Variants in RCN2 observed in about 807,000 individuals in gnomAD.
RCN2 encodes the protein reticulocalbin-2.
A neutral mutation model predicts 37.5 loss-of-function variants in RCN2; 23 were observed. The observed-to-expected ratio is 0.61, with a 90% CI of 0.44 to 0.87. The LOEUF (loss-of-function observed/expected upper bound fraction) is 0.87, where lower values mean the gene tolerates loss of function less well. Among genes scored for constraint, RCN2 ranks in the 40% least tolerant of loss-of-function variants. The probability of loss-of-function intolerance (pLI) is 0.00; values close to 1 mark genes in which losing one functional copy is unlikely to be tolerated. For missense variants in RCN2, 381 were observed against 390.4 expected (o/e 0.98, Z 0.20); for synonymous variants, 140 against 144.6 (o/e 0.97, Z 0.23).
intron 2 of RCN2, among the ~76,000 whole-genome samples, chr15:76,932,989 A>G (rs1158099882): frequency 6.6e-6 from 1 of 152,210 alleles, no homozygotes; most frequent in Non-Finnish European, 1.5e-5. Context: ...AATGAAGCAC[A>G]GGGATAAGTG....
At chr15:76,932,329 T>C (rs1410229871) in intron 1 of RCN2, 32 bp from the exon 2 acceptor site, 1 of 1,532,848 alleles carries the variant, frequency 6.5e-7, no homozygotes, top group African/African-American at 1.4e-5. Context: ...ATAGTAATGC[T>C]TGGCCCTCCT....
At chr15:76,939,981 T>C (rs2075270322) in intron 3 of RCN2, among the ~76,000 whole-genome samples, 1 of 152,214 alleles carries the variant, frequency 6.6e-6, no homozygotes, top group Non-Finnish European at 1.5e-5. Flanking sequence ...TTCTGTGTTC[T>C]CCACCAGCTA....
intron 3 of RCN2, among the ~76,000 whole-genome samples, chr15:76,940,255 A>G (rs2152650470): frequency 6.6e-6 from 1 of 152,160 alleles, no homozygotes; most frequent in East Asian, 1.9e-4. Context: ...GCTTGAGCCC[A>G]GGAATTTGAG....
At chr15:76,938,420 CTG>C (rs1041171387) in intron 3 of RCN2, among the ~76,000 whole-genome samples, 7 of 152,150 alleles carry the variant, frequency 4.6e-5, no homozygotes, top group Non-Finnish European at 1.0e-4. Flanking sequence ...GTTTTGGTAT[CTG>C]TGGGAGGTTC....
chr15:76,943,314 G>A (rs1264593464), intron 3 of RCN2: 4 of 152,850 alleles, frequency 2.6e-5, no homozygotes, highest in African/African-American at 9.7e-5. Context: ...CTACAGGCGT[G>A]CGCCACTATG....
intron 4 of RCN2, among the ~76,000 whole-genome samples, chr15:76,945,946 A>T (rs1032071440): frequency 6.6e-6 from 1 of 152,232 alleles, no homozygotes; most frequent in African/African-American, 2.4e-5. Flanking sequence ...CCCAAGAATG[A>T]CAGGCAAAGG....
rs1478103919 is a variant in RCN2, at chr15:76,950,850, G to T, written c.*1628G>T. On this transcript the variant is annotated 3_prime_UTR_variant, in exon 7 of 7. Transcript: ENST00000394885. ...GAAGACATGAAACTCTTCTCTGATA[G>T]AATCGACTGCACCTATATACCTCTC... 6.6e-6 allele frequency: 1 copy of T among 152,226 alleles called. No homozygotes were observed. The highest frequency in any genetic ancestry group is 2.4e-5 in the African/African-American group (1 of 41,460). The allele number at this position is 152,226 out of a possible 1,614,324, so 9.4% of individuals were successfully genotyped here.
rs751070780 is a variant in RCN2, at chr15:76,943,849, C to T, written c.539C>T (p.Pro180Leu). Residue 180 changes from proline (P) to leucine (L), a missense_variant, in exon 4 of 7, where the codon CCT becomes CTT. Physicochemically the swap from Pro to Leu is moderately conservative, Grantham distance 98 (BLOSUM62 -3). Transcript: ENST00000394885. ...GAAGAATTTATTGCTTTTGAGCATC[C>T]TGAAGAAGTTGATTATATGACGGTA... Reference protein sequence around the residue: ...SLEEFIAFEHPEEVDYMTEFV... With the variant: ...SLEEFIAFEHLEEVDYMTEFV... 1.3e-6 allele frequency: 2 copies of T among 1,598,500 alleles called. No homozygotes were observed. Among genetic ancestry groups the T allele is most frequent in the Non-Finnish European group, 1.7e-6 (2 of 1,167,182 alleles).
chr15:76,940,546 CTTTTTTTTT>C (rs11463370), intron 3 of RCN2, among the ~76,000 whole-genome samples: 1 of 119,664 alleles, frequency 8.4e-6, no homozygotes, highest in African/African-American at 3.1e-5. Flanking sequence ...TGAACTTCAC[CTTTTTTTTT>C]TTTTTTTTTT....
At position 76,950,185 on chromosome 15, in the gene RCN2, C is replaced by G. The variant is rs927770078; in HGVS notation, c.*963C>G. ...TCTTGAGTAACGCAGGTTGGAATTA[C>G]CAATAGAGCTGGTCAGTTATCAACA... On this transcript the variant is annotated 3_prime_UTR_variant, in exon 7 of 7. Transcript: ENST00000394885. 6.6e-6 allele frequency: 1 copy of G among 151,906 alleles called. No individual in the cohort carries two copies. Among genetic ancestry groups the G allele is most frequent in the Non-Finnish European group, 1.5e-5 (1 of 68,014 alleles). The allele number at this position is 151,906 out of a possible 1,614,324, so 9.4% of individuals were successfully genotyped here.
intron 3 of RCN2, among the ~76,000 whole-genome samples, chr15:76,936,097 T>A (rs1345023554): frequency 6.6e-6 from 1 of 152,090 alleles, no homozygotes; most frequent in African/African-American, 2.4e-5. Context: ...TAGTTTTATA[T>A]ACTCACTTAA....
intron 3 of RCN2, among the ~76,000 whole-genome samples, chr15:76,940,944 T>C (rs1304882798): frequency 6.6e-6 from 1 of 152,186 alleles, no homozygotes; most frequent in East Asian, 1.9e-4. Context: ...GAAGAAGCAT[T>C]TCTTTATAAT....
Position 76,952,996 on chromosome 15 carries a change from C to G in RCN2, c.*3774C>G, listed in dbSNP as rs558772338. ...TCATCCAGGCTGGAGTGCAGTGGTG[C>G]GATCTCGGCTCACTGCAACCTCCAC... On this transcript the variant is annotated 3_prime_UTR_variant, in exon 7 of 7. Coordinates refer to ENST00000394885, the MANE Select transcript of RCN2 (RefSeq NM_002902.3). The G allele has an allele frequency of 6.7e-6, 1 of 148,684 alleles. No homozygotes were observed. The highest frequency in any genetic ancestry group is 1.5e-5 in the Non-Finnish European group (1 of 67,338). 9.2% of individuals were successfully genotyped at this position (148,684 alleles called of 1,614,324 possible). A position where few individuals can be genotyped will look rare whatever the true frequency, so the allele number is the denominator to read the frequency against.
chr15:76,949,298 G>T lies in RCN2; in HGVS notation c.*76G>T, dbSNP rs2075309527. The T allele has an allele frequency of 4.9e-6, 5 of 1,026,838 alleles. No individual in the cohort carries two copies. The highest frequency in any genetic ancestry group is 1.6e-5 in the African/African-American group (1 of 61,340). 63.6% of individuals were successfully genotyped at this position (1,026,838 alleles called of 1,614,324 possible). On this transcript the variant is annotated 3_prime_UTR_variant, in exon 7 of 7. Transcript: ENST00000394885. ...AGCTTTACTTTTGTGATAAAATATT[G>T]ATGTTGTATTTTACACTCTTAAGTC...
At chr15:76,932,974 G>A (rs1365163922) in intron 2 of RCN2, among the ~76,000 whole-genome samples, 2 of 152,114 alleles carry the variant, frequency 1.3e-5, no homozygotes, top group East Asian at 1.9e-4. Context: ...TTGTAGAGAT[G>A]AAGAAATGAA....
rs1246665560 is a variant in RCN2, at chr15:76,932,663, AT to A, written c.250+198del. Among the ~76,000 whole-genome samples the A allele has an allele frequency of 4.2e-4, 63 of 150,884 alleles. 1 individual carries two copies. Among genetic ancestry groups the A allele is most frequent in the Middle Eastern group, 3.5e-3 (1 of 284 alleles). On this transcript the variant is annotated intron_variant, in intron 2 of 6. Coordinates refer to ENST00000394885, the MANE Select transcript of RCN2 (RefSeq NM_002902.3). ...GTAAAACTCGGTGCTTTCTCCAGTT[AT>A]ATATAAACATCATTGACCCTGTACT...
Position 76,948,516 on chromosome 15 carries a change from G to C in RCN2, c.765G>C (p.Trp255Cys). The C allele has an allele frequency of 1.9e-6, 3 of 1,602,510 alleles. No individual in the cohort carries two copies. The highest frequency in any genetic ancestry group is 2.6e-6 in the Non-Finnish European group (3 of 1,173,436). ...GRLDPQELLPWVVPNNQGIAQ... is the reference protein window; with the variant it reads ...GRLDPQELLPCVVPNNQGIAQ... Reference sequence around the variant, plus strand: ...TTGATCCCCAAGAGCTGTTACCTTGGGTAGTACCTAATAATCAGGGCATTG... The same window carrying C: ...TTGATCCCCAAGAGCTGTTACCTTGCGTAGTACCTAATAATCAGGGCATTG... Residue 255 changes from tryptophan to cysteine, a missense_variant, in exon 6 of 7, where the codon TGG becomes TGC. By Grantham distance (215) the Trp-to-Cys change is radical. Transcript: ENST00000394885.
intron 4 of RCN2, among the ~76,000 whole-genome samples, chr15:76,946,609 G>A (rs1283331611): frequency 6.6e-6 from 1 of 152,028 alleles, no homozygotes; most frequent in Non-Finnish European, 1.5e-5. Flanking sequence ...AAAGTTAGCT[G>A]GGTGTGGTGG....
rs1377568847 is a variant in RCN2, at chr15:76,938,916, C to G, written c.447+3194C>G. 5 of 374,018 alleles carry G rather than the reference C, an allele frequency of 1.3e-5. No individual in the cohort carries two copies. In the Admixed American group the frequency reaches 1.4e-4, roughly 11 times the overall value. 23.2% of individuals were successfully genotyped at this position (374,018 alleles called of 1,614,324 possible). On this transcript the variant is annotated intron_variant, in intron 3 of 6. Transcript: ENST00000394885. ...GTGTGGTGGCTCACACCTGTAATCT[C>G]AGCACTTTGGGAAGCCAAGGTGGGA...
Sources: allele counts gnomAD v4.1 joint callset (sites outside exome capture counted in the v4.1 genomes callset), GRCh38; gene constraint gnomAD v4.1.1; transcripts MANE v1.5; gene names NCBI Gene and HGNC (gene_info 2026-07-23, HGNC 2026-07-21).